Variants in UCHL3 observed in about 807,000 individuals in gnomAD.
UCHL3 encodes the protein ubiquitin C-terminal hydrolase L3.
Under a neutral mutation model 35.8 loss-of-function variants are expected in UCHL3, and 22 were observed. That is an observed-to-expected ratio of 0.61 (90% CI 0.44 to 0.88). The LOEUF (loss-of-function observed/expected upper bound fraction) is 0.88, where lower values mean the gene tolerates loss of function less well. Among genes scored for constraint, UCHL3 ranks in the 40% least tolerant of loss-of-function variants. UCHL3 has a pLI of 0.00. For missense variants in UCHL3, 229 were observed against 276.9 expected, an observed-to-expected ratio of 0.83 and a Z score of 1.23; for synonymous variants, 90 against 92.8, an observed-to-expected ratio of 0.97 and a Z score of 0.17.
chr13:75,581,649 A>G (rs1332070813), intron 6 of UCHL3, among the ~76,000 whole-genome samples: 1 of 151,134 alleles, frequency 6.6e-6, no homozygotes, highest in Non-Finnish European at 1.5e-5. Context: ...TGAGCCACTA[A>G]CAAAACACTT....
intron 3 of UCHL3, among the ~76,000 whole-genome samples, chr13:75,563,858 C>T (rs944105523): frequency 6.6e-6 from 1 of 151,524 alleles, no homozygotes; most frequent in Non-Finnish European, 1.5e-5. Flanking sequence ...AGTATAATGT[C>T]CTTCAGGTTC....
chr13:75,596,550 A>G (rs558913736), intron 7 of UCHL3, among the ~76,000 whole-genome samples: 56 of 152,360 alleles, frequency 3.7e-4, no homozygotes, highest in Admixed American at 1.6e-3. Flanking sequence ...GTTAACTTCA[A>G]GAAAGTAGAT....
chr13:75,595,597 C>CAAAAAAAAAAAAAAAAAAAAA lies in UCHL3; in HGVS notation c.550+617_550+637dup, dbSNP rs58733406. Among the ~76,000 whole-genome samples, 3 of 45,658 alleles carry CAAAAAAAAAAAAAAAAAAAAA rather than the reference C, an allele frequency of 6.6e-5. 1 individual carries two copies. The highest frequency in any genetic ancestry group is 2.8e-4 in the African/African-American group (2 of 7,222). The allele number at this position is 45,658 out of a possible 152,430, so 30.0% of individuals were successfully genotyped here. A position where few individuals can be genotyped will look rare whatever the true frequency, so the allele number is the denominator to read the frequency against. ...GGGCAACAGGAGTGATACTCCATCT[C>CAAAAAAAAAAAAAAAAAAAAA]AAAAAAAAAAAAAAAAAAAAAAAAA... On this transcript the variant is annotated intron_variant, in intron 7 of 8. Coordinates refer to ENST00000377595, the MANE Select transcript of UCHL3 (RefSeq NM_006002.5).
At chr13:75,571,317 C>A (rs2031850236) in intron 6 of UCHL3, among the ~76,000 whole-genome samples, 1 of 152,154 alleles carries the variant, frequency 6.6e-6, no homozygotes, top group Admixed American at 6.5e-5. Flanking sequence ...ATTTAAACTT[C>A]TTTTTAAATG....
chr13:75,572,611 G>T (rs972123936), intron 6 of UCHL3, among the ~76,000 whole-genome samples: 1 of 152,126 alleles, frequency 6.6e-6, no homozygotes, highest in Non-Finnish European at 1.5e-5. Context: ...TACAACATAT[G>T]TGTATTAATT....
At chr13:75,586,248 A>G (rs2032319001) in intron 6 of UCHL3, among the ~76,000 whole-genome samples, 1 of 152,074 alleles carries the variant, frequency 6.6e-6, no homozygotes, top group African/African-American at 2.4e-5. Context: ...CTTCAGAACA[A>G]GAAATATTCC....
In UCHL3 at chr13:75,550,717, C is replaced by G. The variant is rs543864137; in HGVS notation, c.54+730C>G. 1.1e-4 allele frequency among the ~76,000 whole-genome samples: 9 copies of G among 84,656 alleles called. No individual in the cohort carries two copies. The South Asian group carries it at 3.0e-3, about 29-fold the overall frequency. 55.5% of individuals were successfully genotyped at this position (84,656 alleles called of 152,430 possible). On this transcript the variant is annotated intron_variant, in intron 2 of 8. Coordinates refer to ENST00000377595, the MANE Select transcript of UCHL3 (RefSeq NM_006002.5). ...TCTGCTCAGGTGTGCCTTATTTTAC[C>G]CTGTTTTTTTTTTTTTTTTCATTCT... is the stretch of plus-strand genomic sequence containing the variant.
At chr13:75,561,126 G>C (rs527970476) in intron 3 of UCHL3, among the ~76,000 whole-genome samples, 1 of 152,092 alleles carries the variant, frequency 6.6e-6, no homozygotes, top group East Asian at 1.9e-4. Context: ...GTAGAGACAG[G>C]GCCTCACCGT....
In UCHL3 at chr13:75,569,457, C is replaced by T. The variant is rs763662069; in HGVS notation, c.427-3C>T. 5 of 1,606,530 alleles carry T rather than the reference C, an allele frequency of 3.1e-6. No homozygotes were observed. The highest frequency in any genetic ancestry group is 1.3e-5 in the African/African-American group (1 of 74,678). On this transcript the variant is annotated splice_polypyrimidine_tract_variant and splice_region_variant and intron_variant, in intron 5 of 8. Coordinates refer to ENST00000377595, the MANE Select transcript of UCHL3 (RefSeq NM_006002.5). Reference sequence around the variant, plus strand: ...CCAATGAATACCTTTATTCTTATTACAGGCCATCCGAGTTACTCATGAGAC... The same window carrying T: ...CCAATGAATACCTTTATTCTTATTATAGGCCATCCGAGTTACTCATGAGAC...
rs2032934308 is a variant in UCHL3, at chr13:75,605,967, C to T, written c.*155C>T. 2 of 659,662 alleles carry T rather than the reference C, an allele frequency of 3.0e-6. No homozygotes were observed. Among genetic ancestry groups the T allele is most frequent in the Non-Finnish European group, 5.0e-6 (2 of 397,548 alleles). 40.9% of individuals were successfully genotyped at this position (659,662 alleles called of 1,614,324 possible). A position where few individuals can be genotyped will look rare whatever the true frequency, so the allele number is the denominator to read the frequency against. ...TAACCTGTGTTTTATGTTATTTTTG[C>T]TCCAGGTTAAAGGTGCAATGCTTTC... On this transcript the variant is annotated 3_prime_UTR_variant, in exon 9 of 9. Coordinates refer to ENST00000377595, the MANE Select transcript of UCHL3 (RefSeq NM_006002.5).
At chr13:75,567,560 T>G (rs1327154094) in intron 5 of UCHL3, among the ~76,000 whole-genome samples, 1 of 152,154 alleles carries the variant, frequency 6.6e-6, no homozygotes, top group Non-Finnish European at 1.5e-5. Context: ...AATTTTTTTT[T>G]TTTTTGATAT....
intron 6 of UCHL3, among the ~76,000 whole-genome samples, chr13:75,592,477 A>ACATAGCT (rs2032537967): frequency 3.0e-5 from 1 of 33,568 alleles, no homozygotes. Context: ...TGAAGGAAAA[A>ACATAGCT]AGATCCCATC....
In UCHL3 at chr13:75,570,726, T is replaced by G. The variant is rs2031828550; in HGVS notation, c.474+1219T>G. Among the ~76,000 whole-genome samples, 5 of 152,270 alleles carry G rather than the reference T, an allele frequency of 3.3e-5. No homozygotes were observed. In the Middle Eastern group the frequency reaches 0.017, roughly 518 times the overall value. The stretch of plus-strand genomic sequence containing the variant: ...GAGTTTGAGACCATCCTGGGCAACA[T>G]AGCAAGACTCTGTCTCTACAAAGAG... On this transcript the variant is annotated intron_variant, in intron 6 of 8. Coordinates refer to ENST00000377595, the MANE Select transcript of UCHL3 (RefSeq NM_006002.5).
intron 7 of UCHL3, among the ~76,000 whole-genome samples, chr13:75,596,672 C>A (rs973381982): frequency 3.3e-5 from 5 of 151,672 alleles, no homozygotes; most frequent in Non-Finnish European, 7.4e-5. Flanking sequence ...TATATTTAAA[C>A]CAAAAGAAAA....
At chr13:75,563,551 ATACATAGTAAAATAGT>A (rs1379355376) in intron 3 of UCHL3, among the ~76,000 whole-genome samples, 2 of 152,202 alleles carry the variant, frequency 1.3e-5, no homozygotes, top group African/African-American at 4.8e-5. Flanking sequence ...TTGGGTTCAT[ATACATAGTAAAATAGT>A]TACAATAGTG....
intron 6 of UCHL3, among the ~76,000 whole-genome samples, chr13:75,588,404 T>G (rs557442393): frequency 3.0e-4 from 45 of 152,298 alleles, no homozygotes; most frequent in Admixed American, 1.5e-3. Context: ...TATTCTTTCC[T>G]TCTCTCTTTC....
intron 6 of UCHL3, among the ~76,000 whole-genome samples, chr13:75,575,326 A>G (rs1566218561): frequency 6.6e-6 from 1 of 152,342 alleles, no homozygotes; most frequent in East Asian, 1.9e-4. Context: ...TTACACTGAA[A>G]GGTATTGCTT....
At chr13:75,560,270 G>T (rs2031449233) in intron 2 of UCHL3, among the ~76,000 whole-genome samples, 1 of 152,030 alleles carries the variant, frequency 6.6e-6, no homozygotes, top group South Asian at 2.1e-4. Context: ...TAACTTAAAT[G>T]CCTCTCCTTA....
chr13:75,559,315 C>T (rs1475689531), intron 2 of UCHL3, among the ~76,000 whole-genome samples: 2 of 145,328 alleles, frequency 1.4e-5, no homozygotes, highest in Non-Finnish European at 3.0e-5. Context: ...GCTGGGATTA[C>T]AGGCGTGAGC....
Sources: allele counts gnomAD v4.1 joint callset (sites outside exome capture counted in the v4.1 genomes callset), GRCh38; gene constraint gnomAD v4.1.1; transcripts MANE v1.5; gene names NCBI Gene and HGNC (gene_info 2026-07-23, HGNC 2026-07-21).